TAF6L: variants seen among roughly 807,000 people sequenced by gnomAD.
The protein encoded by TAF6L is TAF6-like RNA polymerase II p300/CBP-associated factor-associated factor 65 kDa subunit 6L.
TAF6L carries 34 observed loss-of-function variants against 57.3 expected under a neutral mutation model. The ratio of observed to expected loss-of-function variants is 0.59; its 90% CI spans 0.45 to 0.79. The LOEUF is 0.79. Among genes scored for constraint, TAF6L ranks in the 30% least tolerant of loss-of-function variants. The probability of loss-of-function intolerance (pLI) is 0.00; values close to 1 mark genes in which losing one functional copy is unlikely to be tolerated. For synonymous variants in TAF6L, 417 were observed against 376.3 expected (o/e 1.11, Z -1.25); for missense variants, 782 against 853.2 (o/e 0.92, Z 1.04).
chr11:62,787,256 G>C lies in TAF6L; in HGVS notation c.1829G>C (p.Arg610Pro). Residue 610 changes from arginine (R) to proline (P), a missense_variant, in exon 11 of 11, where the codon CGG (arginine) becomes CCG (proline). Physicochemically the swap from Arg to Pro is moderately radical, Grantham distance 103. Transcript: ENST00000294168. Reference sequence around the variant, plus strand: ...GGCCGTACCAGCCGCCCCGCCCGCCGGTGGGCGCTCTCGGACTACTCGCTG... The same window carrying C: ...GGCCGTACCAGCCGCCCCGCCCGCCCGTGGGCGCTCTCGGACTACTCGCTG... ...MIGRTSRPAR[R>P]WALSDYSLYL... 5 of 1,566,510 alleles carry C rather than the reference G, an allele frequency of 3.2e-6. No homozygotes were observed. The highest frequency in any genetic ancestry group is 4.3e-6 in the Non-Finnish European group (5 of 1,164,340).
At chr11:62,785,381 C>CG (rs534914871) in intron 9 of TAF6L, among the ~76,000 whole-genome samples, 152 of 150,676 alleles carry the variant, frequency 1.0e-3, no homozygotes, top group African/African-American at 3.5e-3. Flanking sequence ...TTAGTAGAGA[C>CG]GGGGTTTCAC....
At chr11:62,785,755 G>T (rs920928916) in intron 9 of TAF6L, among the ~76,000 whole-genome samples, 8 of 148,248 alleles carry the variant, frequency 5.4e-5, no homozygotes, top group African/African-American at 2.0e-4. Flanking sequence ...AGCTGGTCTT[G>T]AACTCCTGAC....
At chr11:62,776,040 A>G in intron 2 of TAF6L, 110 bp downstream of exon 2, 1 of 1,344,822 alleles carries the variant, frequency 7.4e-7, no homozygotes, top group Non-Finnish European at 1.0e-6. Flanking sequence ...TGCTCCATAC[A>G]ACAGAGACAG....
Position 62,776,413 on chromosome 11 carries a change from A to G in TAF6L, c.177A>G (p.Lys59=), listed in dbSNP as rs1296256166. The G allele has an allele frequency of 6.2e-7, 1 of 1,613,228 alleles. No individual in the cohort carries two copies. Among genetic ancestry groups the G allele is most frequent in the Non-Finnish European group, 8.5e-7 (1 of 1,179,456 alleles). Residue 59 remains lysine, a synonymous_variant, in exon 3 of 11, where the codon AAA becomes AAG. Coordinates refer to ENST00000294168, the MANE Select transcript of TAF6L (RefSeq NM_006473.4). ...GCTCTCAGTTCATGAAGCACACCAA[A>G]CGCCGGAAGCTGACGGTTGAGGACT... is the stretch of plus-strand genomic sequence containing the variant. ...QNSSQFMKHT[K]RRKLTVEDFN... is the part of the protein sequence containing the mutation.
chr11:62,777,446 AGGAGGCCACT>A (rs764128640), intron 3 of TAF6L, among the ~76,000 whole-genome samples: 79 of 152,290 alleles, frequency 5.2e-4, no homozygotes, highest in South Asian at 1.0e-3. Context: ...AAAGAGGGAG[AGGAGGCCACT>A]GGAGGCCCAG....
chr11:62,785,679 C>T (rs951165358), intron 9 of TAF6L, among the ~76,000 whole-genome samples: 1 of 151,950 alleles, frequency 6.6e-6, no homozygotes, highest in African/African-American at 2.4e-5. Flanking sequence ...AGATTACAGG[C>T]AACTGCTACT....
intron 1 of TAF6L, chr11:62,774,581 G>C (rs751034826): frequency 2.0e-5 from 9 of 454,520 alleles, no homozygotes; most frequent in Non-Finnish European, 4.0e-5. Context: ...TCACTTTGGC[G>C]CACGGGAGCC....
At position 62,774,440 on chromosome 11, in the gene TAF6L, A is replaced by G. The variant is rs561830380; in HGVS notation, c.-13-1331A>G. ...GGGAGGAGTGCTGCACAGAAGCCAC[A>G]TAGCTGTCCATTGGATGTAGGGACC... On this transcript the variant is annotated intron_variant, in intron 1 of 10. Transcript: ENST00000294168. Among the ~76,000 whole-genome samples, 10 of 152,314 alleles carry G rather than the reference A, an allele frequency of 6.6e-5. No homozygotes were observed. The South Asian group carries it at 2.1e-3, about 32-fold the overall frequency.
chr11:62,772,639 G>A (rs954695308), intron 1 of TAF6L, among the ~76,000 whole-genome samples: 2 of 151,580 alleles, frequency 1.3e-5, no homozygotes, highest in Non-Finnish European at 2.9e-5. Flanking sequence ...AGACCAGCTT[G>A]GCTACCATGG....
Position 62,787,101 on chromosome 11 carries a change from G to T in TAF6L, c.1674G>T (p.Pro558=). The T allele has an allele frequency of 1.3e-6, 2 of 1,545,024 alleles. No individual in the cohort carries two copies. Among genetic ancestry groups the T allele is most frequent in the Non-Finnish European group, 1.7e-6 (2 of 1,153,240 alleles). Residue 558 remains proline, a synonymous_variant, in exon 11 of 11, where the codon CCG becomes CCT. Transcript: ENST00000294168. ...GCCGTTTCGCCCCGCGCGGCGCCCCGCACTTTCGTTTCATCATAGCCGGGC... is the reference window on the plus strand; with the variant it reads ...GCCGTTTCGCCCCGCGCGGCGCCCCTCACTTTCGTTTCATCATAGCCGGGC... The part of the protein sequence containing the change: ...QKSRFAPRGA[P]HFRFIIAGRQ...
intron 1 of TAF6L, 138 bp downstream of exon 1, chr11:62,771,628 T>TC (rs963112176): frequency 3.9e-5 from 7 of 177,814 alleles, no homozygotes; most frequent in Non-Finnish European, 8.6e-5. Flanking sequence ...CCTGACCTCC[T>TC]CCCCCCGCGC....
In TAF6L at chr11:62,787,035, G is replaced by A. The variant is rs1014300869; in HGVS notation, c.1608G>A (p.Gln536=). 2.0e-6 allele frequency: 3 copies of A among 1,509,356 alleles called. No homozygotes were observed. The highest frequency in any genetic ancestry group is 2.6e-6 in the Non-Finnish European group (3 of 1,136,912). 93.5% of individuals were successfully genotyped at this position (1,509,356 alleles called of 1,614,324 possible). A position where few individuals can be genotyped will look rare whatever the true frequency, so the allele number is the denominator to read the frequency against. ...ATCGGGCGCGCGGGGCACCCCGGCA[G>A]CAGGGCCCCGGGACCGGCACCCGCG... The part of the protein sequence containing the change: ...RVHRARGAPR[Q]QGPGTGTRDV... The change falls in exon 11 of 11, where the codon CAG becomes CAA. Residue 536 remains glutamine, a synonymous_variant. Coordinates refer to ENST00000294168, the MANE Select transcript of TAF6L (RefSeq NM_006473.4).
intron 6 of TAF6L, among the ~76,000 whole-genome samples, chr11:62,781,487 C>T (rs1249458686): frequency 6.6e-6 from 1 of 151,746 alleles, no homozygotes; most frequent in Non-Finnish European, 1.5e-5. Flanking sequence ...TCCTGGCTAA[C>T]ACGGTGAAAC....
At chr11:62,773,960 A>T (rs188878064) in intron 1 of TAF6L, among the ~76,000 whole-genome samples, 1 of 152,332 alleles carries the variant, frequency 6.6e-6, no homozygotes, top group East Asian at 1.9e-4. Flanking sequence ...TGAGGAACTG[A>T]AAGGAGGACA....
chr11:62,779,976 A>ATTTTTTTT (rs1277954265), intron 6 of TAF6L, among the ~76,000 whole-genome samples: 68 of 52,610 alleles, frequency 1.3e-3, no homozygotes, highest in South Asian at 4.3e-3. Flanking sequence ...ATATATATAT[A>ATTTTTTTT]TTTTTTTTTT....
intron 9 of TAF6L, among the ~76,000 whole-genome samples, chr11:62,785,538 CTTTT>C (rs1205888751): frequency 7.3e-6 from 1 of 136,406 alleles, no homozygotes; most frequent in Non-Finnish European, 1.6e-5. Context: ...ATAGTTAATT[CTTTT>C]TTTTTTTTTT....
In TAF6L at chr11:62,787,132, G is replaced by A; in HGVS notation, c.1705G>A (p.Ala569Thr). 1 of 1,561,928 alleles carries A rather than the reference G, an allele frequency of 6.4e-7. No individual in the cohort carries two copies. Among genetic ancestry groups the A allele is most frequent in the Non-Finnish European group, 8.6e-7 (1 of 1,162,842 alleles). ...HFRFIIAGRQ[A>T]GRRCRGRLFQ... ...TCGTTTCATCATAGCCGGGCGGCAG[G>A]CTGGGAGGCGCTGCCGCGGGCGCCT... The change falls in exon 11 of 11, where the codon GCT becomes ACT. Residue 569 changes from alanine (A) to threonine (T), a missense_variant. This residue lies in a region of TAF6L where 483 missense variants were observed against 445.1 expected (regional missense o/e 1.09). Transcript: ENST00000294168.
chr11:62,774,911 T>A (rs12575886), intron 1 of TAF6L, among the ~76,000 whole-genome samples: 143,770 of 145,690 alleles, frequency 0.99, 70,928 homozygotes, highest in Non-Finnish European at 1. Context: ...AAAAAAAAAA[T>A]TTAGCCATCC....
chr11:62,776,545 T>G, intron 3 of TAF6L, 75 bp downstream of exon 3: 1 of 1,473,670 alleles, frequency 6.8e-7, no homozygotes, highest in Non-Finnish European at 9.5e-7. Context: ...GCTGGCGATG[T>G]GGTGAGACAT....
Sources: allele counts gnomAD v4.1 joint callset (sites outside exome capture counted in the v4.1 genomes callset), GRCh38; gene constraint gnomAD v4.1.1; regional missense constraint gnomAD v4.1.1; transcripts MANE v1.5; gene names NCBI Gene and HGNC (gene_info 2026-07-23, HGNC 2026-07-21).